The following CASK variants were observed in gnomAD, a reference collection of about 807,000 sequenced individuals.
CASK encodes the protein peripheral plasma membrane protein CASK.
CASK carries 4 observed loss-of-function variants against 82.9 expected under a neutral mutation model. The ratio of observed to expected loss-of-function variants is 0.05; its 90% CI spans 0.02 to 0.11. CASK has a LOEUF of 0.11. Among genes scored for constraint, CASK ranks in the 10% least tolerant of loss-of-function variants. CASK has a pLI of 1.00. For missense variants in CASK, 358 were observed against 720.9 expected, an observed-to-expected ratio of 0.50 and a Z score of 5.76; for synonymous variants, 259 against 253.5, an observed-to-expected ratio of 1.02 and a Z score of -0.20.
At chrX:41,606,553 T>G (rs140368191) in intron 12 of CASK, among the ~76,000 whole-genome samples, 2 of 111,964 alleles carry the variant, frequency 1.8e-5, no homozygotes, top group Non-Finnish European at 3.8e-5. Context: ...GTACCTGGCC[T>G]AAACTTTCAT....
intron 1 of CASK, among the ~76,000 whole-genome samples, chrX:41,920,114 A>T (rs1452605594): frequency 8.9e-6 from 1 of 111,989 alleles, no homozygotes; most frequent in African/African-American, 3.2e-5. Context: ...TTGAAAAGTG[A>T]AATCTATTTT....
intron 12 of CASK, chrX:41,589,994 G>A (rs2065719483): frequency 1.3e-5 from 2 of 151,827 alleles, no homozygotes; most frequent in East Asian, 1.8e-4. Context: ...ATGCTTTCTG[G>A]CCAAGGCACG....
chrX:41,852,500 AAAAC>A (rs1453164102), intron 2 of CASK, among the ~76,000 whole-genome samples: 31 of 111,881 alleles, frequency 2.8e-4, no homozygotes, highest in African/African-American at 9.7e-4. Context: ...TATGGCTTAA[AAAAC>A]AAACAAAATA....
intron 25 of CASK, among the ~76,000 whole-genome samples, chrX:41,526,100 C>T (rs188538216): frequency 8.9e-6 from 1 of 112,179 alleles, no homozygotes; most frequent in East Asian, 2.8e-4. Flanking sequence ...ATAGCTCAAG[C>T]AAGCTAACAG....
At chrX:41,563,698 A>T (rs1245435960) in intron 16 of CASK, among the ~76,000 whole-genome samples, 1 of 111,599 alleles carries the variant, frequency 9.0e-6, no homozygotes, top group African/African-American at 3.3e-5. Context: ...ATTTTTTTTT[A>T]GGAAAATGTA....
intron 25 of CASK, among the ~76,000 whole-genome samples, chrX:41,528,979 C>T (rs989976443): frequency 3.6e-5 from 4 of 112,295 alleles, no homozygotes; most frequent in Non-Finnish European, 7.5e-5. Context: ...GGCTGGCCTG[C>T]GCAGGAGGGC....
intron 5 of CASK, chrX:41,696,278 A>G: frequency 8.4e-7 from 1 of 1,194,473 alleles, no homozygotes; most frequent in South Asian, 1.9e-5. Context: ...ACGCAAAAGG[A>G]GAAGCCATTT....
chrX:41,825,812 TAAGAG>T (rs1201927048), intron 2 of CASK, among the ~76,000 whole-genome samples: 1 of 112,415 alleles, frequency 8.9e-6, no homozygotes, highest in Non-Finnish European at 1.9e-5. Context: ...TATTCATTCT[TAAGAG>T]AAGAATGCCA....
intron 8 of CASK, among the ~76,000 whole-genome samples, chrX:41,637,312 C>G (rs1260629123): frequency 1.9e-5 from 2 of 103,699 alleles, no homozygotes; most frequent in African/African-American, 7.0e-5. Context: ...ATCAATTCCA[C>G]AACTGATTCA....
At chrX:41,605,627 T>C (rs12353557) in intron 12 of CASK, among the ~76,000 whole-genome samples, 2,954 of 111,126 alleles carry the variant, frequency 0.027, 103 homozygotes, top group African/African-American at 0.092. Flanking sequence ...TTCTGCAAAA[T>C]AAAACAATTC....
chrX:41,625,936 G>A (rs1023028435), intron 10 of CASK, among the ~76,000 whole-genome samples: 10 of 94,318 alleles, frequency 1.1e-4, no homozygotes, highest in South Asian at 5.2e-4. Context: ...AGGCCAGCAC[G>A]CCTGGCTTTT....
intron 1 of CASK, among the ~76,000 whole-genome samples, chrX:41,861,876 G>GCA (rs1194480153): frequency 1.0e-5 from 1 of 98,407 alleles, no homozygotes; most frequent in Non-Finnish European, 2.0e-5. Context: ...TATACATACA[G>GCA]TATATATAGT....
intron 5 of CASK, among the ~76,000 whole-genome samples, chrX:41,700,008 T>C (rs986966284): frequency 8.9e-6 from 1 of 112,236 alleles, no homozygotes; most frequent in Non-Finnish European, 1.9e-5. Context: ...AGTATATACG[T>C]ATCTTTACCT....
intron 1 of CASK, among the ~76,000 whole-genome samples, chrX:41,873,785 CTT>C (rs781735208): frequency 2.3e-5 from 2 of 88,588 alleles, no homozygotes; most frequent in Admixed American, 1.2e-4. Flanking sequence ...TTTGTTGTTC[CTT>C]TTTTTTTTTT....
chrX:41,754,508 A>T (rs1251493781), intron 3 of CASK, among the ~76,000 whole-genome samples: 1 of 112,422 alleles, frequency 8.9e-6, no homozygotes, highest in Non-Finnish European at 1.9e-5. Context: ...AAATAGAAGC[A>T]GAAATTAATG....
At chrX:41,589,784 T>G (rs1260590653) in intron 12 of CASK, 192 bp from the exon 13 acceptor site, 1 of 399,984 alleles carries the variant, frequency 2.5e-6, no homozygotes, top group Non-Finnish European at 4.4e-6. Flanking sequence ...TATGCATATC[T>G]TTTCAAAAAA....
At chrX:41,578,189 A>G (rs1602291541) in intron 15 of CASK, 151 bp downstream of exon 15, 1 of 441,484 alleles carries the variant, frequency 2.3e-6, no homozygotes, top group South Asian at 3.7e-5. Flanking sequence ...AAAGAAGGGC[A>G]GGGGGGAACT....
At chrX:41,778,775 CA>C (rs1478928661) in intron 3 of CASK, among the ~76,000 whole-genome samples, 1 of 109,459 alleles carries the variant, frequency 9.1e-6, no homozygotes, top group Non-Finnish European at 1.9e-5. Context: ...TATACTGTAA[CA>C]TCCCAATCCA....
At chrX:41,673,555 C>T (rs2067223287) in intron 5 of CASK, among the ~76,000 whole-genome samples, 1 of 111,580 alleles carries the variant, frequency 9.0e-6, no homozygotes, top group South Asian at 3.8e-4. Flanking sequence ...TAGGGAATTG[C>T]TATTTTAGTT....
Sources: allele counts gnomAD v4.1 joint callset (sites outside exome capture counted in the v4.1 genomes callset), GRCh38; gene constraint gnomAD v4.1.1; transcripts MANE v1.5; gene names NCBI Gene and HGNC (gene_info 2026-07-23, HGNC 2026-07-21).